The following RASSF3 variants were observed in gnomAD, a reference collection of about 807,000 sequenced individuals.
The protein encoded by RASSF3 is ras association domain-containing protein 3.
RASSF3 carries 19 observed loss-of-function variants against 19.9 expected under a neutral mutation model. The ratio of observed to expected loss-of-function variants is 0.96; its 90% CI spans 0.67 to 1.40. The LOEUF is 1.40. Among genes scored for constraint, RASSF3 ranks in the 40% most tolerant of loss-of-function variants. The pLI is 0.00. For missense variants in RASSF3, 306 were observed against 289.8 expected, an observed-to-expected ratio of 1.06 and a Z score of -0.41; for synonymous variants, 110 against 104.2, an observed-to-expected ratio of 1.06 and a Z score of -0.34.
chr12:64,590,513 C>T (rs1037436695), intron 2 of RASSF3, among the ~76,000 whole-genome samples: 2 of 152,112 alleles, frequency 1.3e-5, no homozygotes, highest in Non-Finnish European at 2.9e-5. Context: ...ACACAACACA[C>T]ATATGTGCAC....
intron 1 of RASSF3, among the ~76,000 whole-genome samples, chr12:64,617,383 A>G (rs910430043): frequency 6.6e-6 from 1 of 152,212 alleles, no homozygotes; most frequent in East Asian, 1.9e-4. Flanking sequence ...GGTGGTGAAC[A>G]ATACACAGTC....
At chr12:64,683,111 G>T (rs549477339) in intron 1 of RASSF3, among the ~76,000 whole-genome samples, 1 of 152,322 alleles carries the variant, frequency 6.6e-6, no homozygotes, top group Non-Finnish European at 1.5e-5. Flanking sequence ...TTAGCTCATT[G>T]TTGGGAGGAT....
intron 1 of RASSF3, among the ~76,000 whole-genome samples, chr12:64,522,987 G>A (rs2136104997): frequency 6.6e-6 from 1 of 152,346 alleles, no homozygotes; most frequent in East Asian, 1.9e-4. Flanking sequence ...CAAGTCATCA[G>A]GCACAGGGCC....
chr12:64,513,874 T>G (rs182838779), intron 1 of RASSF3, among the ~76,000 whole-genome samples: 383 of 151,920 alleles, frequency 2.5e-3, no homozygotes, highest in African/African-American at 8.7e-3. Context: ...TTTAAGGTTT[T>G]GTTTGTTTGT....
chr12:64,683,704 A>G (rs898085595), intron 1 of RASSF3, among the ~76,000 whole-genome samples: 1 of 152,230 alleles, frequency 6.6e-6, no homozygotes, highest in African/African-American at 2.4e-5. Flanking sequence ...ACAAGTTGCT[A>G]AAGAGAAACT....
chr12:64,693,966 G>A (rs1868320357), intron 4 of RASSF3, among the ~76,000 whole-genome samples: 1 of 152,226 alleles, frequency 6.6e-6, no homozygotes, highest in African/African-American at 2.4e-5. Flanking sequence ...GAAGAGAGGA[G>A]AGGAAGTTGT....
chr12:64,591,815 A>C (rs1869928603), intron 2 of RASSF3, among the ~76,000 whole-genome samples: 1 of 152,128 alleles, frequency 6.6e-6, no homozygotes, highest in South Asian at 2.1e-4. Context: ...ACCTAGATAT[A>C]GTCACATCAG....
At chr12:64,681,835 A>C (rs575574482) in intron 1 of RASSF3, among the ~76,000 whole-genome samples, 1 of 152,236 alleles carries the variant, frequency 6.6e-6, no homozygotes, top group South Asian at 2.1e-4. Context: ...CAACATAGCC[A>C]GACGTCATCT....
chr12:64,567,146 G>A (rs1413093391), intron 2 of RASSF3, among the ~76,000 whole-genome samples: 1 of 152,198 alleles, frequency 6.6e-6, no homozygotes, highest in Admixed American at 6.5e-5. Flanking sequence ...CAGGCTGGGA[G>A]ACAAAGGCGT....
At chr12:64,578,836 A>G (rs897869073) in intron 2 of RASSF3, among the ~76,000 whole-genome samples, 3 of 152,184 alleles carry the variant, frequency 2.0e-5, no homozygotes, top group Admixed American at 6.5e-5. Flanking sequence ...CTTGCAATTC[A>G]TAAACTCTAT....
chr12:64,684,008 G>C (rs1183702239), intron 1 of RASSF3, among the ~76,000 whole-genome samples: 3 of 81,404 alleles, frequency 3.7e-5, no homozygotes, highest in Non-Finnish European at 9.3e-5. Flanking sequence ...GAGAGAGAGA[G>C]AGTGAGTGTG....
At chr12:64,643,978 A>G (rs1270794052) in intron 1 of RASSF3, among the ~76,000 whole-genome samples, 1 of 151,910 alleles carries the variant, frequency 6.6e-6, no homozygotes, top group Non-Finnish European at 1.5e-5. Context: ...ACTTGTATGT[A>G]GTTTGTTAAT....
At chr12:64,554,085 G>T (rs1406105038) in intron 2 of RASSF3, among the ~76,000 whole-genome samples, 1 of 152,006 alleles carries the variant, frequency 6.6e-6, no homozygotes, top group Non-Finnish European at 1.5e-5. Flanking sequence ...TAGCCCATTG[G>T]CCCAGTTTCT....
chr12:64,566,109 G>A (rs976837587), intron 2 of RASSF3, among the ~76,000 whole-genome samples: 2 of 151,890 alleles, frequency 1.3e-5, no homozygotes, highest in Non-Finnish European at 2.9e-5. Context: ...GCTGAGGCAG[G>A]AGAATCGTTT....
chr12:64,623,831 TAG>T (rs943404181), intron 1 of RASSF3, among the ~76,000 whole-genome samples: 10 of 151,774 alleles, frequency 6.6e-5, no homozygotes, highest in African/African-American at 2.4e-4. Flanking sequence ...ATTTTTTTAG[TAG>T]AGAGAGAGTT....
rs550083849 is a variant in RASSF3, at chr12:64,630,380, T to C, written c.111+19637T>C. 1.1e-4 allele frequency among the ~76,000 whole-genome samples: 17 copies of C among 151,812 alleles called. 1 individual carries two copies. The South Asian group carries it at 3.3e-3, about 30-fold the overall frequency. Reference sequence around the variant, plus strand: ...GTCTTTACTGAAAAAAGAGAAATTATCCAAATATGGTGGTTTGTGCCTGTA... The same window carrying C: ...GTCTTTACTGAAAAAAGAGAAATTACCCAAATATGGTGGTTTGTGCCTGTA... On this transcript the variant is annotated intron_variant, in intron 1 of 4. Transcript: ENST00000542104.
Position 64,568,236 on chromosome 12 carries a change from T to A in RASSF3, c.294+26531T>A, listed in dbSNP as rs1484701348. ...TAGTAGAGACAGGGGTTTCACCATGTTGGCCAGGCTAGTCTTGAACTCCTG... is the reference window on the plus strand; with the variant it reads ...TAGTAGAGACAGGGGTTTCACCATGATGGCCAGGCTAGTCTTGAACTCCTG... On this transcript the variant is annotated intron_variant, in intron 2 of 5. Transcript: ENST00000637125. Among the ~76,000 whole-genome samples the A allele has an allele frequency of 2.0e-5, 3 of 152,160 alleles. No individual in the cohort carries two copies. In the East Asian group the frequency reaches 5.8e-4, roughly 29 times the overall value.
At chr12:64,685,660 G>GTACTTAA (rs1417392105) in intron 2 of RASSF3, among the ~76,000 whole-genome samples, 4 of 152,176 alleles carry the variant, frequency 2.6e-5, no homozygotes, top group African/African-American at 7.2e-5. Flanking sequence ...GTAAGACAAG[G>GTACTTAA]TACTTAATAC....
At chr12:64,530,067 G>C (rs1013504497), upstream of RASSF3, among the ~76,000 whole-genome samples, 2 of 152,060 alleles carry the variant, frequency 1.3e-5, no homozygotes, top group African/African-American at 2.4e-5. Flanking sequence ...CACTCCAAAA[G>C]TGTCCCCAGG....
Sources: gnomAD v4.1 joint callset for allele counts (sites outside exome capture counted in the v4.1 genomes callset) on GRCh38, gnomAD v4.1.1 for gene constraint, MANE v1.5 for transcripts, NCBI Gene and HGNC (gene_info 2026-07-23, HGNC 2026-07-21) for gene names.